VSTM1: variants seen among roughly 807,000 people sequenced by gnomAD.
The protein encoded by VSTM1 is V-set and transmembrane domain-containing protein 1.
In VSTM1, 27 loss-of-function variants were observed where a neutral mutation model predicts 33.1. That is an observed-to-expected ratio of 0.82 (90% confidence interval 0.60 to 1.12). VSTM1 has a LOEUF of 1.12. Among genes scored for constraint, VSTM1 ranks in the 50% most tolerant of loss-of-function variants. The pLI is 0.00. For synonymous variants in VSTM1, 115 were observed against 110.3 expected, an observed-to-expected ratio of 1.04 and a Z score of -0.27; for missense variants, 304 against 288.9, an observed-to-expected ratio of 1.05 and a Z score of -0.38.
intron 4 of VSTM1, 28 bp from the exon 5 acceptor site, chr19:54,042,397 T>A: frequency 1.2e-6 from 2 of 1,606,650 alleles, no homozygotes; most frequent in Non-Finnish European, 1.7e-6. Flanking sequence ...GGTCAGGGAA[T>A]CAGCCTGGCT....
At chr19:54,054,698 T>C (rs1263708999) in intron 3 of VSTM1, among the ~76,000 whole-genome samples, 1 of 127,182 alleles carries the variant, frequency 7.9e-6, no homozygotes, top group Non-Finnish European at 1.7e-5. Context: ...AGTGAATGGG[T>C]GAAAGGGTGG....
At chr19:54,061,436 G>A (rs1220967630) in intron 1 of VSTM1, among the ~76,000 whole-genome samples, 1 of 152,138 alleles carries the variant, frequency 6.6e-6, no homozygotes, top group Non-Finnish European at 1.5e-5. Flanking sequence ...ACTAAGATGA[G>A]GTCATACTAG....
In VSTM1 at chr19:54,057,240, A is replaced by C. The variant is rs1192853263; in HGVS notation, c.355+1066T>G. On this transcript the variant is annotated intron_variant, in intron 3 of 8. Coordinates refer to ENST00000338372, the MANE Select transcript of VSTM1 (RefSeq NM_198481.4). ...AGGAAAAGAAATACGTGCATCAGGC[A>C]GGCTTTGGTGACTCACGCCTGTAAT... is the stretch of plus-strand genomic sequence containing the variant. 1.4e-5 allele frequency among the ~76,000 whole-genome samples: 2 copies of C among 140,046 alleles called. 1 individual carries two copies. Among genetic ancestry groups the C allele is most frequent in the Non-Finnish European group, 3.1e-5 (2 of 63,828 alleles). The allele number at this position is 140,046 out of a possible 152,430, so 91.9% of individuals were successfully genotyped here.
At chr19:54,044,461 G>A (rs1222596283) in intron 4 of VSTM1, among the ~76,000 whole-genome samples, 4 of 152,262 alleles carry the variant, frequency 2.6e-5, no homozygotes, top group Admixed American at 1.3e-4. Flanking sequence ...TCAGGAGGCT[G>A]AGAGAAGAGA....
chr19:54,059,886 C>T (rs1425831023), intron 1 of VSTM1, among the ~76,000 whole-genome samples: 1 of 149,294 alleles, frequency 6.7e-6, no homozygotes, highest in Non-Finnish European at 1.5e-5. Context: ...CTCGCTCTGT[C>T]ACCCAGGCTG....
intron 4 of VSTM1, among the ~76,000 whole-genome samples, chr19:54,045,489 C>T (rs2070529827): frequency 6.6e-6 from 1 of 151,984 alleles, no homozygotes; most frequent in South Asian, 2.1e-4. Flanking sequence ...ACCTGCTTAC[C>T]TGCTGTCTGT....
chr19:54,048,849 T>G (rs983609866), intron 4 of VSTM1, among the ~76,000 whole-genome samples: 30 of 152,088 alleles, frequency 2.0e-4, no homozygotes, highest in African/African-American at 7.2e-4. Context: ...TTTGGGAAGC[T>G]GAGGCGTGTG....
At chr19:54,057,097 C>T (rs1301799883) in intron 3 of VSTM1, among the ~76,000 whole-genome samples, 1 of 140,244 alleles carries the variant, frequency 7.1e-6, no homozygotes, top group Non-Finnish European at 1.6e-5. Flanking sequence ...CTCAAGTGAT[C>T]TGCCCACCTC....
At chr19:54,041,302 T>C (rs1319814157) in intron 8 of VSTM1, among the ~76,000 whole-genome samples, 1 of 151,974 alleles carries the variant, frequency 6.6e-6, no homozygotes, top group Non-Finnish European at 1.5e-5. Flanking sequence ...TTTAAATTTT[T>C]ATTTATTTAT....
intron 1 of VSTM1, 81 bp downstream of exon 1, chr19:54,063,663 C>T (rs1189324100): frequency 1.3e-6 from 2 of 1,554,828 alleles, no homozygotes; most frequent in Middle Eastern, 1.7e-4. Flanking sequence ...TTCCACACAC[C>T]GCATTTCCAC....
intron 2 of VSTM1, 22 bp from the exon 3 acceptor site, chr19:54,058,612 T>A: frequency 6.2e-7 from 1 of 1,613,078 alleles, no homozygotes; most frequent in Non-Finnish European, 8.5e-7. Context: ...TCAGAGTTAA[T>A]TTGAGTCTAG....
Position 54,040,950 on chromosome 19 carries a change from C to T in VSTM1, c.*11G>A. On this transcript the variant is annotated 3_prime_UTR_variant, in exon 9 of 9. Coordinates refer to ENST00000338372, the MANE Select transcript of VSTM1 (RefSeq NM_198481.4). The stretch of plus-strand genomic sequence containing the variant: ...ATCCCCCCTCCTTTAGTGGCCAGGG[C>T]TGTCTTCTTGCTACACTTTCAGTGC... The T allele has an allele frequency of 6.2e-7, 1 of 1,606,220 alleles. No homozygotes were observed. The highest frequency in any genetic ancestry group is 1.3e-5 in the African/African-American group (1 of 74,222).
chr19:54,059,287 C>T (rs1482613419), intron 1 of VSTM1, among the ~76,000 whole-genome samples: 4 of 152,062 alleles, frequency 2.6e-5, no homozygotes, highest in Non-Finnish European at 5.9e-5. Flanking sequence ...TCTTGAACTC[C>T]TGACCTCAGG....
At chr19:54,048,804 C>T (rs1027808209) in intron 4 of VSTM1, among the ~76,000 whole-genome samples, 8 of 152,280 alleles carry the variant, frequency 5.3e-5, no homozygotes, top group Non-Finnish European at 7.4e-5. Flanking sequence ...AAGAACGGGG[C>T]CAGGCACAGT....
At chr19:54,059,469 GTGTTT>G (rs764227298) in intron 1 of VSTM1, among the ~76,000 whole-genome samples, 9 of 151,926 alleles carry the variant, frequency 5.9e-5, no homozygotes, top group African/African-American at 1.9e-4. Flanking sequence ...TGTGATTGCA[GTGTTT>G]TGTTTTGTTT....
rs752282540 is a variant in VSTM1 at position 54,058,330 on chromosome 19, C to G, written c.331G>C (p.Glu111Gln). 1.2e-5 allele frequency: 20 copies of G among 1,613,932 alleles called. No homozygotes were observed. In the Middle Eastern group the frequency reaches 5.0e-4, roughly 40 times the overall value. ...CCTGTGACCACCAGCTGCAAGTGTT[C>G]ACTGCTTTCTGACCACTCATGGGAG... is the stretch of plus-strand genomic sequence containing the variant. The part of the protein sequence containing the change: ...TASHEWSESS[E>Q]HLQLVVTDKH... Residue 111 changes from glutamate (E) to glutamine (Q), a missense_variant, in exon 3 of 9, where the codon GAA becomes CAA. By Grantham distance (29) the Glu-to-Gln change is conservative. Transcript: ENST00000338372.
At chr19:54,048,339 C>A in intron 4 of VSTM1, 1 of 381,780 alleles carries the variant, frequency 2.6e-6, no homozygotes, top group Non-Finnish European at 5.3e-6. Flanking sequence ...TGGTCTTGAA[C>A]CCCTGGGCTC....
chr19:54,042,052 G>A (rs2070307432), intron 6 of VSTM1, 99 bp from the exon 7 acceptor site: 1 of 1,603,932 alleles, frequency 6.2e-7, no homozygotes, highest in Admixed American at 1.7e-5. Context: ...AGGGAGAGGA[G>A]GAAGGTCACA....
In VSTM1 at chr19:54,063,821, C is replaced by G. The variant is rs766724914; in HGVS notation, c.-44G>C. ...ACCAAGGCCCCGCCTTGGGTTTTAC[C>G]CTTCAAAGGCGGAGCGGGACTGGGC... On this transcript the variant is annotated 5_prime_UTR_variant, in exon 1 of 9. Transcript: ENST00000338372. The G allele has an allele frequency of 6.2e-7, 1 of 1,611,646 alleles. No individual in the cohort carries two copies. Among genetic ancestry groups the G allele is most frequent in the Non-Finnish European group, 8.5e-7 (1 of 1,178,846 alleles).
Sources: allele counts gnomAD v4.1 joint callset (sites outside exome capture counted in the v4.1 genomes callset), GRCh38; gene constraint gnomAD v4.1.1; transcripts MANE v1.5; gene names NCBI Gene and HGNC (gene_info 2026-07-23, HGNC 2026-07-21).